Variants in INPP4B observed in about 807,000 individuals in gnomAD.
INPP4B encodes the protein inositol polyphosphate-4-phosphatase type II B.
INPP4B carries 55 observed loss-of-function variants against 122.5 expected under a neutral mutation model. That is an observed-to-expected ratio of 0.45 (90% CI 0.36 to 0.56). The LOEUF is 0.56. INPP4B is among the 20% of genes least tolerant of loss of function. INPP4B has a pLI of 0.00. For missense variants in INPP4B, 1,000 were observed against 1,097.7 expected, an observed-to-expected ratio of 0.91 and a Z score of 1.26; for synonymous variants, 403 against 388.7, an observed-to-expected ratio of 1.04 and a Z score of -0.43.
At chr4:142,312,969 T>A (rs1481594219) in intron 8 of INPP4B, among the ~76,000 whole-genome samples, 1 of 152,112 alleles carries the variant, frequency 6.6e-6, no homozygotes, top group Non-Finnish European at 1.5e-5. Flanking sequence ...GTCTCCCTAC[T>A]CCTTCCTCTT....
chr4:142,478,114 G>C (rs369727108), intron 2 of INPP4B, among the ~76,000 whole-genome samples: 1 of 152,132 alleles, frequency 6.6e-6, no homozygotes, highest in Non-Finnish European at 1.5e-5. Flanking sequence ...CTACTGATTT[G>C]TGTGCACTGA....
intron 6 of INPP4B, among the ~76,000 whole-genome samples, chr4:142,403,805 C>G (rs569214334): frequency 6.6e-6 from 1 of 152,224 alleles, no homozygotes; most frequent in Non-Finnish European, 1.5e-5. Flanking sequence ...TTCTTTCATT[C>G]AACAAATACA....
At chr4:142,413,081 T>C (rs975067145) in intron 5 of INPP4B, among the ~76,000 whole-genome samples, 2 of 152,162 alleles carry the variant, frequency 1.3e-5, no homozygotes, top group African/African-American at 4.8e-5. Context: ...TAAAGGACCA[T>C]GCATCGCTGC....
chr4:142,531,693 C>A (rs57199971), intron 2 of INPP4B, among the ~76,000 whole-genome samples: 2,994 of 151,596 alleles, frequency 0.02, 84 homozygotes, highest in African/African-American at 0.066. Context: ...TTTTAACAAG[C>A]CTGCGTGAAG....
At chr4:142,299,084 GA>G (rs1399944161) in intron 9 of INPP4B, among the ~76,000 whole-genome samples, 1 of 151,884 alleles carries the variant, frequency 6.6e-6, no homozygotes, top group Non-Finnish European at 1.5e-5. Flanking sequence ...TGTGTGCCTG[GA>G]TCACTCATTA....
At position 142,193,153 on chromosome 4, in the gene INPP4B, T is replaced by C; in HGVS notation, c.1115A>G (p.His372Arg). 6.2e-7 allele frequency: 1 copy of C among 1,613,196 alleles called. No homozygotes were observed. The highest frequency in any genetic ancestry group is 8.5e-7 in the Non-Finnish European group (1 of 1,179,206). Residue 372 changes from histidine to arginine, a missense_variant, in exon 15 of 26, where the codon CAT (histidine) becomes CGT (arginine). His to Arg is a conservative substitution (Grantham distance 29). Coordinates refer to ENST00000262992, the MANE Select transcript of INPP4B (RefSeq NM_001101669.3). ...DVITVGAPAAHFQGFKNGGLR... is the reference protein window; with the variant it reads ...DVITVGAPAARFQGFKNGGLR... ...ACCACCATTCTTAAATCCCTGAAAA[T>C]GGGCAGCTGGGGCTCCCACAGTGAT...
chr4:142,368,057 T>C (rs891870160), intron 7 of INPP4B, among the ~76,000 whole-genome samples: 3 of 152,200 alleles, frequency 2.0e-5, no homozygotes, highest in Non-Finnish European at 1.5e-5. Flanking sequence ...TACTAAGCCA[T>C]GCTGCCTTTG....
chr4:142,371,734 T>C (rs555314431), intron 7 of INPP4B, among the ~76,000 whole-genome samples: 161 of 151,906 alleles, frequency 1.1e-3, no homozygotes, highest in Non-Finnish European at 1.9e-3. Context: ...CAATGAGATA[T>C]CATCTCACCC....
Position 142,788,412 on chromosome 4 carries a change from A to G in INPP4B, c.-254+57797T>C, listed in dbSNP as rs114955218. On this transcript the variant is annotated intron_variant, in intron 1 of 25. Coordinates refer to ENST00000262992, the MANE Select transcript of INPP4B (RefSeq NM_001101669.3). ...TAAGAAACGTTCTGCCATGTCACCT[A>G]CTAGTAACATGTGAATGGTCTTTAA... Among the ~76,000 whole-genome samples the G allele has an allele frequency of 3.4e-3, 523 of 152,220 alleles. 4 individuals carry two copies. The highest frequency in any genetic ancestry group is 0.01 in the African/African-American group (425 of 41,546).
chr4:142,661,859 C>A (rs771243988), intron 2 of INPP4B, among the ~76,000 whole-genome samples: 1 of 152,180 alleles, frequency 6.6e-6, no homozygotes, highest in Admixed American at 6.5e-5. Context: ...GCTCAGGAGA[C>A]GTTACCTTAA....
intron 2 of INPP4B, among the ~76,000 whole-genome samples, chr4:142,555,067 AG>A (rs1728851847): frequency 6.6e-6 from 1 of 152,224 alleles, no homozygotes; most frequent in East Asian, 1.9e-4. Flanking sequence ...CATGTAGCTG[AG>A]GAGAATCCAA....
chr4:142,052,474 A>G (rs1369578467), intron 25 of INPP4B, among the ~76,000 whole-genome samples: 1 of 152,108 alleles, frequency 6.6e-6, no homozygotes, highest in African/African-American at 2.4e-5. Context: ...GCTGTGCTAA[A>G]TAAGTATTGT....
chr4:142,561,430 GTT>G (rs1730448443), intron 2 of INPP4B, among the ~76,000 whole-genome samples: 2 of 137,184 alleles, frequency 1.5e-5, no homozygotes, highest in South Asian at 4.6e-4. Context: ...TTGTTTGTTT[GTT>G]TTTTGAGACG....
chr4:142,487,579 T>C (rs1821361454), intron 2 of INPP4B, among the ~76,000 whole-genome samples: 1 of 152,148 alleles, frequency 6.6e-6, no homozygotes, highest in Admixed American at 6.6e-5. Flanking sequence ...TCTTAGTCCA[T>C]GGATTAAACA....
At chr4:142,339,977 G>A (rs1023697999) in intron 7 of INPP4B, among the ~76,000 whole-genome samples, 4 of 152,060 alleles carry the variant, frequency 2.6e-5, no homozygotes, top group African/African-American at 9.7e-5. Flanking sequence ...ATACCTCAGG[G>A]GGCTACAAAG....
At chr4:142,639,498 G>C (rs191289768) in intron 2 of INPP4B, among the ~76,000 whole-genome samples, 1 of 151,930 alleles carries the variant, frequency 6.6e-6, no homozygotes, top group Non-Finnish European at 1.5e-5. Context: ...TTTTCATCTA[G>C]GTTATCACAT....
intron 2 of INPP4B, among the ~76,000 whole-genome samples, chr4:142,632,204 G>T (rs961828173): frequency 6.6e-6 from 1 of 152,108 alleles, no homozygotes; most frequent in Non-Finnish European, 1.5e-5. Context: ...ACTAGCATCC[G>T]ACATGGGGTC....
chr4:142,108,069 G>A lies in INPP4B; in HGVS notation c.2374+24C>T, dbSNP rs1578923873. ...TTATAATCAAGAAGCTATTATTGCT[G>A]TCTTCTCTAACTCACATACTTACAA... is the stretch of plus-strand genomic sequence containing the variant. On this transcript the variant is annotated intron_variant, in intron 23 of 25. Transcript: ENST00000262992. The A allele has an allele frequency of 5.1e-6, 6 of 1,173,906 alleles. No homozygotes were observed. In the Admixed American group the frequency reaches 5.5e-5, roughly 11 times the overall value. The allele number at this position is 1,173,906 out of a possible 1,614,324, so 72.7% of individuals were successfully genotyped here.
In INPP4B at chr4:142,429,296, A is replaced by G. The variant is rs145070484; in HGVS notation, c.92-79T>C. On this transcript the variant is annotated intron_variant, in intron 4 of 25. Transcript: ENST00000262992. ...ATGTCAATATATATTACTATGCTTC[A>G]TTGTGACCAGAATGAATAAAGACAG... The G allele has an allele frequency of 4.2e-4, 312 of 734,644 alleles. 2 individuals are homozygous for G. The East Asian group carries it at 6.8e-3, about 16-fold the overall frequency. 45.5% of individuals were successfully genotyped at this position (734,644 alleles called of 1,614,324 possible).
Sources: gnomAD v4.1 joint callset for allele counts (sites outside exome capture counted in the v4.1 genomes callset) on GRCh38, gnomAD v4.1.1 for gene constraint, MANE v1.5 for transcripts, NCBI Gene and HGNC (gene_info 2026-07-23, HGNC 2026-07-21) for gene names.